The following MCTP1 variants were observed in gnomAD, a reference collection of about 807,000 sequenced individuals.
MCTP1 encodes the protein multiple C2 and transmembrane domain-containing protein 1.
MCTP1 carries 69 observed loss-of-function variants against 120.6 expected under a neutral mutation model. The observed-to-expected ratio is 0.57, with a 90% CI of 0.47 to 0.70. The LOEUF is 0.70. MCTP1 is among the 30% of genes least tolerant of loss of function. MCTP1 has a pLI of 0.00. For missense variants in MCTP1, 1,203 were observed against 1,248.8 expected, an observed-to-expected ratio of 0.96 and a Z score of 0.55; for synonymous variants, 529 against 493.1, an observed-to-expected ratio of 1.07 and a Z score of -0.96.
intron 10 of MCTP1, among the ~76,000 whole-genome samples, chr5:94,907,690 T>C (rs1396472713): frequency 6.6e-6 from 1 of 151,830 alleles, no homozygotes; most frequent in Non-Finnish European, 1.5e-5. Flanking sequence ...GAAAAGAAAA[T>C]GATCAGTCCC....
intron 17 of MCTP1, chr5:94,867,004 A>C (rs1443773089): frequency 1.8e-5 from 4 of 216,224 alleles, no homozygotes; most frequent in Non-Finnish European, 3.6e-5. Flanking sequence ...TCTTTACAGG[A>C]CAATTTTTTT....
At chr5:95,022,081 C>G (rs1194625554) in intron 1 of MCTP1, among the ~76,000 whole-genome samples, 1 of 152,222 alleles carries the variant, frequency 6.6e-6, no homozygotes, top group South Asian at 2.1e-4. Flanking sequence ...AATTTGTTCA[C>G]TCTAATGTAC....
chr5:95,102,082 G>A (rs1407219003), intron 1 of MCTP1, among the ~76,000 whole-genome samples: 1 of 152,126 alleles, frequency 6.6e-6, no homozygotes, highest in Non-Finnish European at 1.5e-5. Flanking sequence ...ATGTTAAGAG[G>A]TGGAATTTAC....
At position 95,007,126 on chromosome 5, in the gene MCTP1, G is replaced by T. The variant is rs309802; in HGVS notation, c.838+10241C>A. 6.6e-5 allele frequency among the ~76,000 whole-genome samples: 10 copies of T among 151,956 alleles called. No individual in the cohort carries two copies. The South Asian group carries it at 1.2e-3, about 19-fold the overall frequency. On this transcript the variant is annotated intron_variant, in intron 2 of 22. Transcript: ENST00000515393. ...GCAGGAAGAGGAGAATGAGAAAAAG[G>T]GGGGAAAAGCCCCTTATATAACCAT...
At chr5:94,762,505 A>G (rs901997921) in intron 19 of MCTP1, among the ~76,000 whole-genome samples, 5 of 152,122 alleles carry the variant, frequency 3.3e-5, no homozygotes, top group African/African-American at 9.7e-5. Context: ...CTCTGTATGG[A>G]CCTGTGGCCA....
At chr5:95,004,692 C>T (rs1431059568) in intron 2 of MCTP1, among the ~76,000 whole-genome samples, 1 of 152,232 alleles carries the variant, frequency 6.6e-6, no homozygotes, top group Non-Finnish European at 1.5e-5. Context: ...TGATGTTAAA[C>T]CTCTAGGTGC....
intron 10 of MCTP1, among the ~76,000 whole-genome samples, chr5:94,905,057 G>C (rs879678446): frequency 2.6e-5 from 4 of 152,278 alleles, no homozygotes; most frequent in Non-Finnish European, 4.4e-5. Context: ...AAATAGGCTT[G>C]GTATGGACGC....
chr5:94,900,082 A>G lies in MCTP1; in HGVS notation c.1653-5247T>C, dbSNP rs557240734. The stretch of plus-strand genomic sequence containing the variant: ...TAGTCAACAGTACCCTCCATGACTT[A>G]CCATCAGCTTATGTGTCACTTGCTG... On this transcript the variant is annotated intron_variant, in intron 10 of 22. Coordinates refer to ENST00000515393, the MANE Select transcript of MCTP1 (RefSeq NM_024717.7). 1.2e-4 allele frequency among the ~76,000 whole-genome samples: 18 copies of G among 152,310 alleles called. No homozygotes were observed. In the East Asian group the frequency reaches 3.5e-3, roughly 29 times the overall value.
chr5:95,038,686 CT>C (rs1476523013), intron 1 of MCTP1, among the ~76,000 whole-genome samples: 1 of 152,182 alleles, frequency 6.6e-6, no homozygotes, highest in Non-Finnish European at 1.5e-5. Flanking sequence ...GATGAAAAAA[CT>C]GAAGGTGATG....
At chr5:95,115,953 C>G (rs1250021600) in intron 1 of MCTP1, among the ~76,000 whole-genome samples, 1 of 151,666 alleles carries the variant, frequency 6.6e-6, no homozygotes, top group Admixed American at 6.6e-5. Context: ...GCAAACCTCA[C>G]AGACCAGAAG....
intron 2 of MCTP1, among the ~76,000 whole-genome samples, chr5:94,969,737 A>G (rs1011453141): frequency 1.3e-5 from 2 of 152,154 alleles, no homozygotes; most frequent in Non-Finnish European, 2.9e-5. Context: ...TTGCTGTCCA[A>G]TTGTAACAGA....
At chr5:95,212,843 A>C (rs1011282552) in intron 1 of MCTP1, among the ~76,000 whole-genome samples, 4 of 152,354 alleles carry the variant, frequency 2.6e-5, no homozygotes, top group African/African-American at 9.6e-5. Context: ...TCAATAAATT[A>C]GGTATTCACG....
intron 1 of MCTP1, among the ~76,000 whole-genome samples, chr5:95,120,983 A>C (rs1359330906): frequency 6.6e-6 from 1 of 152,196 alleles, no homozygotes; most frequent in Non-Finnish European, 1.5e-5. Flanking sequence ...AAATTAGGTA[A>C]AGTTGCAGGA....
intron 1 of MCTP1, among the ~76,000 whole-genome samples, chr5:95,164,123 T>C: frequency 6.6e-6 from 1 of 152,284 alleles, no homozygotes; most frequent in South Asian, 2.1e-4. Context: ...CTACTGATGG[T>C]GTTCCTAGGT....
At chr5:94,737,434 G>A (rs1173985934) in intron 19 of MCTP1, among the ~76,000 whole-genome samples, 1 of 152,172 alleles carries the variant, frequency 6.6e-6, no homozygotes, top group Non-Finnish European at 1.5e-5. Context: ...ATAGTTTGAT[G>A]TCATTTATTA....
intron 1 of MCTP1, among the ~76,000 whole-genome samples, chr5:95,212,896 CA>C (rs1660613319): frequency 6.6e-6 from 1 of 152,170 alleles, no homozygotes; most frequent in African/African-American, 2.4e-5. Context: ...GACAAACCCA[CA>C]GCCAATATCA....
chr5:95,033,000 G>T (rs1027092985), intron 1 of MCTP1, among the ~76,000 whole-genome samples: 2 of 151,986 alleles, frequency 1.3e-5, no homozygotes, highest in African/African-American at 4.8e-5. Flanking sequence ...AAATGCAGAG[G>T]AAACAGATAA....
At chr5:95,262,008 C>G (rs1758512754) in intron 1 of MCTP1, among the ~76,000 whole-genome samples, 1 of 152,208 alleles carries the variant, frequency 6.6e-6, no homozygotes, top group South Asian at 2.1e-4. Flanking sequence ...CCACTGGCCA[C>G]TTGGAGGGAC....
intron 17 of MCTP1, among the ~76,000 whole-genome samples, chr5:94,838,086 AGT>A (rs1489711111): frequency 6.6e-6 from 1 of 152,224 alleles, no homozygotes; most frequent in African/African-American, 2.4e-5. Context: ...CAGAACTCCA[AGT>A]GCTCTGAAAC....
Sources: gnomAD v4.1 joint callset for allele counts (sites outside exome capture counted in the v4.1 genomes callset) on GRCh38, gnomAD v4.1.1 for gene constraint, MANE v1.5 for transcripts, NCBI Gene and HGNC (gene_info 2026-07-23, HGNC 2026-07-21) for gene names.